The following PCDH19 variants were observed in gnomAD, a reference collection of about 807,000 sequenced individuals.
PCDH19 encodes protocadherin 19.
A neutral mutation model predicts 46.2 loss-of-function variants in PCDH19; 6 were observed. That is an observed-to-expected ratio of 0.13 (90% confidence interval 0.07 to 0.26). PCDH19 has a LOEUF of 0.26. Ranked by LOEUF, PCDH19 falls within the 10% of genes least tolerant of loss-of-function variation. The probability of loss-of-function intolerance (pLI) is 1.00; values close to 1 mark genes in which losing one functional copy is unlikely to be tolerated. For missense variants in PCDH19, 740 were observed against 972.3 expected (o/e 0.76, Z 3.18); for synonymous variants, 481 against 415.7 (o/e 1.16, Z -1.91).
chrX:100,371,631 C>G (rs1237943245), intron 3 of PCDH19, among the ~76,000 whole-genome samples: 1 of 111,058 alleles, frequency 9.0e-6, no homozygotes, highest in Non-Finnish European at 1.9e-5. Context: ...CCTTTTCTGC[C>G]TTATTTTTCT....
At chrX:100,348,370 G>A (rs976601816) in intron 4 of PCDH19, among the ~76,000 whole-genome samples, 16 of 49,828 alleles carry the variant, frequency 3.2e-4, no homozygotes, top group African/African-American at 8.3e-4. Context: ...ATTTAACACA[G>A]TTGGTCCCCA....
At chrX:100,359,821 G>A (rs1371278480) in intron 3 of PCDH19, among the ~76,000 whole-genome samples, 1 of 110,243 alleles carries the variant, frequency 9.1e-6, no homozygotes, top group Non-Finnish European at 1.9e-5. Flanking sequence ...ATGTGTGTGT[G>A]TGTGTGTCTG....
At chrX:100,333,223 AAGAAAGAAAG>A (rs1925971557) in intron 5 of PCDH19, among the ~76,000 whole-genome samples, 1 of 105,964 alleles carries the variant, frequency 9.4e-6, no homozygotes, top group South Asian at 4.4e-4. Flanking sequence ...GAAAGAAAGA[AAGAAAGAAAG>A]AAAGAAAGAA....
chrX:100,390,547 A>C (rs762748864), intron 3 of PCDH19, among the ~76,000 whole-genome samples: 1 of 111,663 alleles, frequency 9.0e-6, no homozygotes, highest in African/African-American at 3.2e-5. Flanking sequence ...CACCGACTGC[A>C]CCTTCCCCTG....
Position 100,373,085 on chromosome X carries a change from T to C in PCDH19, c.2617-22381A>G, listed in dbSNP as rs1380604681. On this transcript the variant is annotated intron_variant, in intron 3 of 5. Transcript: ENST00000373034. The stretch of plus-strand genomic sequence containing the variant: ...GTGCAGTGGCACAACCTCAGCTCAC[T>C]GCAACCTCCGCCTCCGGGGTTCAAG... 3.5e-5 allele frequency among the ~76,000 whole-genome samples: 4 copies of C among 112,889 alleles called. No homozygotes were observed. In the East Asian group the frequency reaches 1.1e-3, roughly 32 times the overall value.
At chrX:100,340,716 A>G (rs1926229567) in intron 5 of PCDH19, among the ~76,000 whole-genome samples, 1 of 112,085 alleles carries the variant, frequency 8.9e-6, no homozygotes, top group Non-Finnish European at 1.9e-5. Context: ...ATGGATTAAG[A>G]CAATTTAATA....
intron 3 of PCDH19, among the ~76,000 whole-genome samples, chrX:100,397,482 T>C (rs922936962): frequency 2.7e-5 from 3 of 112,100 alleles, no homozygotes; most frequent in African/African-American, 9.7e-5. Flanking sequence ...GAATTCAAGA[T>C]TGAGACTGAA....
At chrX:100,359,576 A>G (rs1926817072) in intron 3 of PCDH19, among the ~76,000 whole-genome samples, 1 of 111,412 alleles carries the variant, frequency 9.0e-6, no homozygotes, top group Admixed American at 9.5e-5. Context: ...AACTGACAAT[A>G]AGAAACCCAT....
chrX:100,338,341 C>CAAAAAAAAAA (rs1192568481), intron 5 of PCDH19, among the ~76,000 whole-genome samples: 1 of 36,029 alleles, frequency 2.8e-5, no homozygotes, highest in Non-Finnish European at 4.9e-5. Flanking sequence ...GACTCCGTCT[C>CAAAAAAAAAA]AAAAAAAAAA....
At chrX:100,393,522 ACACAC>A (rs1245943906) in intron 3 of PCDH19, among the ~76,000 whole-genome samples, 197 of 108,480 alleles carry the variant, frequency 1.8e-3, no homozygotes, top group African/African-American at 6.2e-3. Flanking sequence ...ACACACACAC[ACACAC>A]ACACACACAA....
At chrX:100,329,992 C>T (rs769358658) in intron 5 of PCDH19, among the ~76,000 whole-genome samples, 1 of 112,357 alleles carries the variant, frequency 8.9e-6, no homozygotes, top group East Asian at 2.8e-4. Flanking sequence ...AAACGGTTCA[C>T]GTTTGCATAT....
chrX:100,311,013 A>G (rs906386081), intron 5 of PCDH19, among the ~76,000 whole-genome samples: 13 of 102,835 alleles, frequency 1.3e-4, no homozygotes, highest in Non-Finnish European at 2.4e-4. Context: ...TGGCTAATTA[A>G]AAAAAAAAAA....
intron 5 of PCDH19, among the ~76,000 whole-genome samples, chrX:100,340,820 A>G (rs1926232584): frequency 1.8e-5 from 2 of 112,386 alleles, no homozygotes; most frequent in South Asian, 7.4e-4. Context: ...AACCAAAACA[A>G]AAGCATTTAA....
At chrX:100,391,715 G>C (rs2147524114) in intron 3 of PCDH19, among the ~76,000 whole-genome samples, 1 of 112,155 alleles carries the variant, frequency 8.9e-6, no homozygotes, top group African/African-American at 3.2e-5. Context: ...CATTTGTCTG[G>C]AATTTTCAGA....
intron 3 of PCDH19, among the ~76,000 whole-genome samples, chrX:100,354,409 C>T (rs1926655455): frequency 8.9e-6 from 1 of 112,173 alleles, no homozygotes; most frequent in Non-Finnish European, 1.9e-5. Context: ...CAAGGACCCA[C>T]TCCAAGAGAT....
intron 5 of PCDH19, among the ~76,000 whole-genome samples, chrX:100,333,171 A>G (rs184518650): frequency 0.086 from 2,498 of 28,956 alleles, 236 homozygotes; most frequent in Middle Eastern, 0.14. Flanking sequence ...GGAAGGAAGG[A>G]AGGGAGAGAG....
At chrX:100,368,366 A>C (rs1362960335) in intron 3 of PCDH19, among the ~76,000 whole-genome samples, 3 of 111,339 alleles carry the variant, frequency 2.7e-5, no homozygotes, top group Non-Finnish European at 5.7e-5. Flanking sequence ...GGAGACCTTC[A>C]CCTTCCTGAG....
chrX:100,358,611 A>G (rs761560229), intron 3 of PCDH19, among the ~76,000 whole-genome samples: 13 of 112,107 alleles, frequency 1.2e-4, no homozygotes, highest in Admixed American at 5.7e-4. Context: ...AAACCATACA[A>G]TTCAAAGCCT....
At chrX:100,359,621 C>T (rs1926818466) in intron 3 of PCDH19, among the ~76,000 whole-genome samples, 1 of 111,929 alleles carries the variant, frequency 8.9e-6, no homozygotes, top group Non-Finnish European at 1.9e-5. Context: ...GGCATTGTGG[C>T]TCATGCCTGT....
Sources: gnomAD v4.1 joint callset for allele counts (sites outside exome capture counted in the v4.1 genomes callset) on GRCh38, gnomAD v4.1.1 for gene constraint, MANE v1.5 for transcripts, NCBI Gene and HGNC (gene_info 2026-07-23, HGNC 2026-07-21) for gene names.